The following FARS2 variants were observed in gnomAD, a reference collection of about 807,000 sequenced individuals.
FARS2 encodes phenylalanine--tRNA ligase, mitochondrial.
A neutral mutation model predicts 46.4 loss-of-function variants in FARS2; 40 were observed. That is an observed-to-expected ratio of 0.86 (90% confidence interval 0.67 to 1.12). The LOEUF (loss-of-function observed/expected upper bound fraction) is 1.12. Ranked by LOEUF, FARS2 falls within the 50% of genes most tolerant of loss-of-function variation. FARS2 has a pLI of 0.00. For synonymous variants in FARS2, 234 were observed against 214.9 expected (o/e 1.09, Z -0.78); for missense variants, 513 against 567.9 (o/e 0.90, Z 0.98).
intron 5 of FARS2, among the ~76,000 whole-genome samples, chr6:5,584,141 A>ACACACACACACACACC (rs1561731442): frequency 1.4e-5 from 2 of 146,474 alleles, no homozygotes; most frequent in African/African-American, 5.1e-5. Context: ...ACACACACAC[A>ACACACACACACACACC]CTCCTTGAGT....
intron 6 of FARS2, among the ~76,000 whole-genome samples, chr6:5,621,438 G>C (rs879592253): frequency 2.6e-5 from 4 of 152,064 alleles, no homozygotes; most frequent in Non-Finnish European, 5.9e-5. Flanking sequence ...AAGTGAAATA[G>C]CAATAAAAAA....
chr6:5,300,909 G>A (rs1305410784), intron 1 of FARS2, among the ~76,000 whole-genome samples: 1 of 151,794 alleles, frequency 6.6e-6, no homozygotes, highest in Admixed American at 6.6e-5. Flanking sequence ...GGGTCTTGCT[G>A]TGTTTTGTAG....
intron 6 of FARS2, among the ~76,000 whole-genome samples, chr6:5,750,516 G>A (rs1761885103): frequency 6.6e-6 from 1 of 152,182 alleles, no homozygotes; most frequent in African/African-American, 2.4e-5. Context: ...CCAGTCAGGA[G>A]TGAGTTCGGC....
At chr6:5,649,471 G>GT (rs1777237720) in intron 6 of FARS2, among the ~76,000 whole-genome samples, 1 of 152,186 alleles carries the variant, frequency 6.6e-6, no homozygotes, top group Non-Finnish European at 1.5e-5. Flanking sequence ...GACCCTTGAG[G>GT]TTTACATGCA....
intron 4 of FARS2, among the ~76,000 whole-genome samples, chr6:5,485,449 G>A (rs139163876): frequency 6.7e-6 from 1 of 148,826 alleles, no homozygotes; most frequent in Non-Finnish European, 1.5e-5. Context: ...CTCACATGAT[G>A]CAGTTCTTAA....
At chr6:5,260,598 T>TGCCCCGGCCCCGGGGCCCCCCCCCCCCCC, upstream of FARS2, 4 of 1,105,566 alleles carry the variant, frequency 3.6e-6, no homozygotes, top group Non-Finnish European at 3.9e-6. Context: ...GCACCCCCGG[T>TGCCCCGGCCCCGGGGCCCCCCCCCCCCCC]CCCCGGCCCC....
intron 4 of FARS2, among the ~76,000 whole-genome samples, chr6:5,504,718 G>A (rs1162626876): frequency 6.6e-6 from 1 of 151,694 alleles, no homozygotes; most frequent in Non-Finnish European, 1.5e-5. Context: ...GTATGTAAAT[G>A]TATGCCAAGA....
At chr6:5,483,475 C>T (rs769712811) in intron 4 of FARS2, among the ~76,000 whole-genome samples, 7 of 152,086 alleles carry the variant, frequency 4.6e-5, no homozygotes, top group Non-Finnish European at 8.8e-5. Context: ...CAAGATCAGC[C>T]TGGCCAACAT....
intron 1 of FARS2, among the ~76,000 whole-genome samples, chr6:5,283,379 A>G (rs2127865646): frequency 6.7e-6 from 1 of 150,102 alleles, no homozygotes; most frequent in Admixed American, 6.6e-5. Flanking sequence ...TGTCTCAAAA[A>G]AAAAAAAAAA....
At chr6:5,297,044 A>T (rs1429952959) in intron 1 of FARS2, among the ~76,000 whole-genome samples, 2 of 152,250 alleles carry the variant, frequency 1.3e-5, no homozygotes, top group Non-Finnish European at 2.9e-5. Context: ...CCACCAGCAG[A>T]GCACAGGGGT....
chr6:5,571,260 A>C (rs556517662), intron 5 of FARS2, among the ~76,000 whole-genome samples: 5 of 152,350 alleles, frequency 3.3e-5, no homozygotes, highest in African/African-American at 1.2e-4. Flanking sequence ...GCCTACACGA[A>C]TATAAGCAGA....
intron 4 of FARS2, among the ~76,000 whole-genome samples, chr6:5,445,416 A>AT (rs928526534): frequency 1.1e-4 from 16 of 151,102 alleles, no homozygotes; most frequent in Admixed American, 6.6e-4. Flanking sequence ...TTCTTATATC[A>AT]TTTTTTTTCA....
chr6:5,655,688 T>G lies in FARS2; in HGVS notation c.1217+42368T>G, dbSNP rs1299029630. On this transcript the variant is annotated intron_variant, in intron 6 of 6. Coordinates refer to ENST00000274680, the MANE Select transcript of FARS2 (RefSeq NM_006567.5). Reference sequence around the variant, plus strand: ...TGTGTCCACCCAGACAATACACATCTCCCCATTTCGTGATTCTTAACTTAG... The same window carrying G: ...TGTGTCCACCCAGACAATACACATCGCCCCATTTCGTGATTCTTAACTTAG... Among the ~76,000 whole-genome samples, 4 of 152,222 alleles carry G rather than the reference T, an allele frequency of 2.6e-5. No individual in the cohort carries two copies. In the East Asian group the frequency reaches 7.7e-4, roughly 29 times the overall value.
chr6:5,496,207 A>T (rs78599010), intron 4 of FARS2, among the ~76,000 whole-genome samples: 3,339 of 152,120 alleles, frequency 0.022, 121 homozygotes, highest in African/African-American at 0.077. Flanking sequence ...AATCCGTTGA[A>T]TGTCTCTCTA....
chr6:5,484,795 C>A (rs1372806257), intron 4 of FARS2, among the ~76,000 whole-genome samples: 2 of 152,198 alleles, frequency 1.3e-5, no homozygotes. Context: ...CAGTGAGTTT[C>A]CAAAGGGACT....
At chr6:5,635,779 A>G (rs1188735057) in intron 6 of FARS2, among the ~76,000 whole-genome samples, 3 of 152,202 alleles carry the variant, frequency 2.0e-5, no homozygotes, top group Admixed American at 6.5e-5. Context: ...TGGAGTCTAC[A>G]TGGCAAAGGG....
At chr6:5,745,632 G>A (rs1313516681) in intron 6 of FARS2, among the ~76,000 whole-genome samples, 5 of 152,166 alleles carry the variant, frequency 3.3e-5, no homozygotes, top group Non-Finnish European at 7.3e-5. Flanking sequence ...TCCGCCACCT[G>A]TGCTCAAGCA....
At chr6:5,377,097 G>A (rs1425041816) in intron 2 of FARS2, among the ~76,000 whole-genome samples, 1 of 152,208 alleles carries the variant, frequency 6.6e-6, no homozygotes, top group Non-Finnish European at 1.5e-5. Context: ...GAGACATTTA[G>A]TTTGCAAAGA....
intron 5 of FARS2, chr6:5,609,491 A>G (rs1247694760): frequency 1.3e-4 from 164 of 1,224,412 alleles, no homozygotes; most frequent in Non-Finnish European, 1.7e-4. Context: ...ATCCACCACC[A>G]TCATGGCTGC....
Sources: gnomAD v4.1 joint callset for allele counts (sites outside exome capture counted in the v4.1 genomes callset) on GRCh38, gnomAD v4.1.1 for gene constraint, MANE v1.5 for transcripts, NCBI Gene and HGNC (gene_info 2026-07-23, HGNC 2026-07-21) for gene names.